The following EVL variants were observed in gnomAD, a reference collection of about 807,000 sequenced individuals.
EVL encodes the protein Enah/Vasp-like.
A neutral mutation model predicts 59.6 loss-of-function variants in EVL; 21 were observed. The ratio of observed to expected loss-of-function variants is 0.35; its 90% CI spans 0.25 to 0.51. EVL has a LOEUF of 0.51. Ranked by LOEUF, EVL falls within the 20% of genes least tolerant of loss-of-function variation. The pLI is 0.97. For missense variants in EVL, 462 were observed against 546.6 expected (o/e 0.85, Z 1.54); for synonymous variants, 198 against 203.5 (o/e 0.97, Z 0.23).
intron 1 of EVL, among the ~76,000 whole-genome samples, chr14:100,084,334 C>T (rs1400759902): frequency 2.6e-5 from 4 of 152,136 alleles, no homozygotes; most frequent in East Asian, 1.9e-4. Flanking sequence ...CATGAGCTAC[C>T]GTGCCTGGCC....
intron 1 of EVL, among the ~76,000 whole-genome samples, chr14:100,056,195 T>C (rs2061730020): frequency 6.6e-6 from 1 of 152,036 alleles, no homozygotes; most frequent in Non-Finnish European, 1.5e-5. Context: ...TTCTATAAAA[T>C]TATCTGTCAT....
chr14:100,056,173 A>G (rs1022262840), intron 1 of EVL, among the ~76,000 whole-genome samples: 2 of 151,206 alleles, frequency 1.3e-5, no homozygotes, highest in Non-Finnish European at 3.0e-5. Context: ...GAGCTCTTAC[A>G]TCTTTCTTGA....
chr14:100,112,309 T>C (rs902673677), intron 3 of EVL, among the ~76,000 whole-genome samples: 1 of 152,176 alleles, frequency 6.6e-6, no homozygotes, highest in Non-Finnish European at 1.5e-5. Flanking sequence ...CATCCAGGTG[T>C]CCATGCAGCA....
At position 100,097,516 on chromosome 14, in the gene EVL, G is replaced by A; in HGVS notation, c.216G>A (p.Lys72=). The A allele has an allele frequency of 3.7e-6, 6 of 1,613,324 alleles. No individual in the cohort carries two copies. The highest frequency in any genetic ancestry group is 2.2e-5 in the East Asian group (1 of 44,874). The change falls in exon 3 of 14, where the codon AAG becomes AAA. Residue 72 remains lysine, a synonymous_variant. Transcript: ENST00000392920. ...VINYSIVKGL[K]YNQATPTFHQ... ...ATTATTCAATCGTGAAAGGGCTGAA[G>A]TACAATCAGGCCACGCCAACCTTCC...
chr14:100,142,644 A>G lies in EVL; in HGVS notation c.1219+851A>G, dbSNP rs539761656. Among the ~76,000 whole-genome samples the G allele has an allele frequency of 2.0e-5, 3 of 152,294 alleles. No individual in the cohort carries two copies. The East Asian group carries it at 5.8e-4, about 29-fold the overall frequency. The stretch of plus-strand genomic sequence containing the variant: ...AGAGGGAAGAGGCAGGTGGGAGCCC[A>G]AAGACCCAGGCCTCCTCCCCCAGCC... On this transcript the variant is annotated intron_variant, in intron 13 of 13. Coordinates refer to ENST00000392920, the MANE Select transcript of EVL (RefSeq NM_016337.3).
intron 1 of EVL, among the ~76,000 whole-genome samples, chr14:100,037,991 G>A (rs2061412231): frequency 6.6e-6 from 1 of 152,160 alleles, no homozygotes; most frequent in Non-Finnish European, 1.5e-5. Flanking sequence ...CCTAGACAGG[G>A]TCAGAGCTTG....
At chr14:100,008,669 A>G (rs1163144467) in intron 1 of EVL, among the ~76,000 whole-genome samples, 2 of 152,222 alleles carry the variant, frequency 1.3e-5, no homozygotes, top group Non-Finnish European at 2.9e-5. Flanking sequence ...TCATGGTAGT[A>G]TGAATATATC....
intron 1 of EVL, among the ~76,000 whole-genome samples, chr14:99,999,462 G>A (rs187165254): frequency 6.6e-6 from 1 of 152,324 alleles, no homozygotes; most frequent in Admixed American, 6.5e-5. Flanking sequence ...TATAAAGAAT[G>A]TAGAGCAGTG....
chr14:100,014,376 CAT>C (rs1453328456), intron 1 of EVL, among the ~76,000 whole-genome samples: 1 of 152,220 alleles, frequency 6.6e-6, no homozygotes, highest in African/African-American at 2.4e-5. Flanking sequence ...TGAGTGAGAA[CAT>C]GTGAAGTTTG....
At chr14:100,023,371 ATTTTTTTTTTT>A (rs1010647617) in intron 1 of EVL, among the ~76,000 whole-genome samples, 6 of 90,772 alleles carry the variant, frequency 6.6e-5, no homozygotes, top group Non-Finnish European at 8.2e-5. Flanking sequence ...AGCCCGGCTA[ATTTTTTTTTTT>A]TTTTTTTTTT....
chr14:100,082,440 C>T (rs577987565), intron 1 of EVL, among the ~76,000 whole-genome samples: 4 of 152,240 alleles, frequency 2.6e-5, no homozygotes, highest in Admixed American at 2.6e-4. Flanking sequence ...TTCAGCTATC[C>T]GGTGGGTTGT....
chr14:100,032,783 A>G (rs1040564790), intron 1 of EVL, among the ~76,000 whole-genome samples: 1 of 151,990 alleles, frequency 6.6e-6, no homozygotes, highest in South Asian at 2.1e-4. Flanking sequence ...CTCCTATAAC[A>G]CTTAAGGTAT....
intron 1 of EVL, among the ~76,000 whole-genome samples, chr14:99,985,044 A>G (rs933145755): frequency 2.6e-5 from 4 of 152,098 alleles, no homozygotes; most frequent in Admixed American, 2.0e-4. Context: ...TTAAGTTGTT[A>G]TATCTCTTTA....
chr14:100,128,762 T>G lies in EVL; in HGVS notation c.717+14T>G. On this transcript the variant is annotated intron_variant, in intron 6 of 13. Coordinates refer to ENST00000392920, the MANE Select transcript of EVL (RefSeq NM_016337.3). ...AGAGTCCAACGGGTAAGAGCTCCTG[T>G]GTGCGGGGTGGGAATGGGACCGAGG... 6.3e-7 allele frequency: 1 copy of G among 1,599,656 alleles called. No individual in the cohort carries two copies. Among genetic ancestry groups the G allele is most frequent in the Non-Finnish European group, 8.5e-7 (1 of 1,177,572 alleles).
At chr14:100,143,604 A>G (rs1164061496) in intron 13 of EVL, 97 bp from the exon 14 acceptor site, 8 of 1,467,756 alleles carry the variant, frequency 5.5e-6, no homozygotes, top group African/African-American at 1.4e-5. Flanking sequence ...ACAGGGACAC[A>G]TACCAGGCAG....
In EVL at chr14:100,108,526, C is replaced by T. The variant is rs1440718433; in HGVS notation, c.358+10868C>T. ...GCCACTTTCTGAAAGCCGGATATGTCTCTTTGCTGACCCACCCCTGTTCTC... is the reference window on the plus strand; with the variant it reads ...GCCACTTTCTGAAAGCCGGATATGTTTCTTTGCTGACCCACCCCTGTTCTC... On this transcript the variant is annotated intron_variant, in intron 3 of 13. Coordinates refer to ENST00000392920, the MANE Select transcript of EVL (RefSeq NM_016337.3). The surrounding 1 kb of genome is among the most constrained non-coding windows in gnomAD (Gnocchi z 4.1). Among the ~76,000 whole-genome samples, 1 of 152,140 alleles carries T rather than the reference C, an allele frequency of 6.6e-6. No homozygotes were observed. The highest frequency in any genetic ancestry group is 2.4e-5 in the African/African-American group (1 of 41,438).
intron 6 of EVL, among the ~76,000 whole-genome samples, chr14:100,129,136 A>G (rs1328477838): frequency 6.6e-6 from 1 of 152,224 alleles, no homozygotes; most frequent in African/African-American, 2.4e-5. Flanking sequence ...TATGCTGGCA[A>G]CTAGGTCCAC....
At chr14:99,991,648 C>T (rs1334777953) in intron 1 of EVL, among the ~76,000 whole-genome samples, 1 of 151,554 alleles carries the variant, frequency 6.6e-6, no homozygotes, top group Non-Finnish European at 1.5e-5. Context: ...TAGAGCAATG[C>T]GAAAATAATA....
intron 1 of EVL, among the ~76,000 whole-genome samples, chr14:100,021,481 T>A (rs2061123494): frequency 6.6e-6 from 1 of 152,230 alleles, no homozygotes; most frequent in South Asian, 2.1e-4. Flanking sequence ...AATGGCTTTC[T>A]TCTCTAGTCA....
Sources: gnomAD v4.1 joint callset for allele counts (sites outside exome capture counted in the v4.1 genomes callset) on GRCh38, gnomAD v4.1.1 for gene constraint, Gnocchi (gnomAD v3.1) non-coding constraint, MANE v1.5 for transcripts, NCBI Gene and HGNC (gene_info 2026-07-23, HGNC 2026-07-21) for gene names.